KCNMA1: variants seen among roughly 807,000 people sequenced by gnomAD.
The protein encoded by KCNMA1 is Calcium-activated potassium channel subunit alpha-1.
KCNMA1 carries 29 observed loss-of-function variants against 140.0 expected under a neutral mutation model. The ratio of observed to expected loss-of-function variants is 0.21; its 90% CI spans 0.15 to 0.28. The LOEUF (loss-of-function observed/expected upper bound fraction) is 0.28, where lower values mean the gene tolerates loss of function less well. KCNMA1 is among the 10% of genes least tolerant of loss of function. KCNMA1 has a pLI of 1.00. For missense variants in KCNMA1, 880 were observed against 1,602.2 expected (o/e 0.55, Z 7.70); for synonymous variants, 612 against 611.9 (o/e 1.00, Z 0.00).
chr10:77,343,644 C>G (rs1000141821), intron 2 of KCNMA1, among the ~76,000 whole-genome samples: 3 of 152,150 alleles, frequency 2.0e-5, no homozygotes, highest in Non-Finnish European at 2.9e-5. Flanking sequence ...CGAGGAGACA[C>G]AAATCCCATA....
chr10:77,141,069 C>T (rs374339337), intron 5 of KCNMA1, among the ~76,000 whole-genome samples: 2 of 152,062 alleles, frequency 1.3e-5, no homozygotes, highest in African/African-American at 2.4e-5. Context: ...TTGTCCTACT[C>T]CTCCTGTCGT....
rs114801743 is a variant in KCNMA1 at position 77,460,754 on chromosome 10, T to A, written c.379-56731A>T. ...ACTGAGTACACATGGACATACAGAATGGAATAATAATACTGGAGACTCCAA... is the reference window on the plus strand; with the variant it reads ...ACTGAGTACACATGGACATACAGAAAGGAATAATAATACTGGAGACTCCAA... On this transcript the variant is annotated intron_variant, in intron 1 of 27. Transcript: ENST00000286628. 1.9e-3 allele frequency among the ~76,000 whole-genome samples: 292 copies of A among 152,066 alleles called. 2 individuals carry two copies. The highest frequency in any genetic ancestry group is 0.019 in the East Asian group (96 of 5,158).
exon 28 of KCNMA1, chr10:76,871,606 T>C (rs2031357863): frequency 1.3e-5 from 2 of 152,382 alleles, no homozygotes; most frequent in Admixed American, 6.5e-5. Context: ...CTTCCTCTAA[T>C]AGTCTTACCA....
Position 77,130,231 on chromosome 10 carries a change from C to T in KCNMA1, c.809-9183G>A, listed in dbSNP as rs902444486. 7.2e-5 allele frequency among the ~76,000 whole-genome samples: 11 copies of T among 152,164 alleles called. No homozygotes were observed. The East Asian group carries it at 1.9e-3, about 27-fold the overall frequency. On this transcript the variant is annotated intron_variant, in intron 5 of 27. Coordinates refer to ENST00000286628, the MANE Select transcript of KCNMA1 (RefSeq NM_001161352.2). ...CACCTTAAACCATACTCTAAGTATT[C>T]ACACAACCATTCTGTTTTTCACTTT...
chr10:77,305,081 C>T (rs1299272931), intron 2 of KCNMA1, among the ~76,000 whole-genome samples: 1 of 152,180 alleles, frequency 6.6e-6, no homozygotes, highest in Non-Finnish European at 1.5e-5. Context: ...GGATGGTGGT[C>T]GATGGACCAC....
At chr10:77,494,869 T>C (rs1179951919) in intron 1 of KCNMA1, among the ~76,000 whole-genome samples, 1 of 152,254 alleles carries the variant, frequency 6.6e-6, no homozygotes, top group Non-Finnish European at 1.5e-5. Flanking sequence ...CCTAGTTTTC[T>C]TGTCCTTCCT....
intron 23 of KCNMA1, among the ~76,000 whole-genome samples, chr10:76,929,399 C>T (rs998336242): frequency 6.6e-6 from 1 of 152,100 alleles, no homozygotes; most frequent in African/African-American, 2.4e-5. Context: ...AAATGGACAC[C>T]CCCTGGTTTA....
intron 21 of KCNMA1, among the ~76,000 whole-genome samples, chr10:76,952,829 A>C (rs1161151259): frequency 6.6e-6 from 1 of 152,258 alleles, no homozygotes; most frequent in Non-Finnish European, 1.5e-5. Flanking sequence ...TCCTGACATC[A>C]GAAATGATAG....
At chr10:76,940,121 T>C (rs1265495448) in intron 23 of KCNMA1, among the ~76,000 whole-genome samples, 1 of 152,244 alleles carries the variant, frequency 6.6e-6, no homozygotes, top group African/African-American at 2.4e-5. Context: ...TTGCCTGCTG[T>C]ATATTAAAAC....
At chr10:77,319,633 G>A (rs1448478821) in intron 2 of KCNMA1, among the ~76,000 whole-genome samples, 1 of 152,202 alleles carries the variant, frequency 6.6e-6, no homozygotes, top group Admixed American at 6.5e-5. Context: ...GCACTTTCTA[G>A]TTTCCTAAAG....
intron 5 of KCNMA1, among the ~76,000 whole-genome samples, chr10:77,122,709 T>C (rs12764147): frequency 1.3e-5 from 2 of 151,996 alleles, no homozygotes; most frequent in East Asian, 1.9e-4. Flanking sequence ...TTTTGAGATA[T>C]GAAAAAATGA....
At position 77,618,034 on chromosome 10, in the gene KCNMA1, G is replaced by A. The variant is rs185265664; in HGVS notation, c.378+19231C>T. Among the ~76,000 whole-genome samples the A allele has an allele frequency of 6.7e-3, 1,027 of 152,218 alleles. 4 individuals are homozygous for A. The highest frequency in any genetic ancestry group is 0.01 in the Non-Finnish European group (694 of 68,006). On this transcript the variant is annotated intron_variant, in intron 1 of 27. Transcript: ENST00000286628. ...TGAACTGTGTGGGTAGACGTGATGT[G>A]AATGACTTCCATAACTACCCCTACA... is the stretch of plus-strand genomic sequence containing the variant.
At chr10:77,600,670 C>A (rs895986550) in intron 1 of KCNMA1, among the ~76,000 whole-genome samples, 1 of 152,142 alleles carries the variant, frequency 6.6e-6, no homozygotes, top group African/African-American at 2.4e-5. Context: ...ATCGCTTGAA[C>A]CCAGGAGGAG....
intron 1 of KCNMA1, among the ~76,000 whole-genome samples, chr10:77,617,486 A>C (rs534369406): frequency 2.0e-5 from 3 of 152,322 alleles, no homozygotes; most frequent in Admixed American, 2.0e-4. Context: ...TTTATCCTGA[A>C]GGTGTTTAAG....
intron 11 of KCNMA1, among the ~76,000 whole-genome samples, chr10:77,085,610 C>T (rs2096673034): frequency 6.6e-6 from 1 of 152,098 alleles, no homozygotes; most frequent in Admixed American, 6.5e-5. Context: ...TAGATCATTC[C>T]TGGATTTTGA....
At chr10:77,417,372 G>A (rs60933490) in intron 1 of KCNMA1, among the ~76,000 whole-genome samples, 16 of 152,280 alleles carry the variant, frequency 1.1e-4, no homozygotes, top group African/African-American at 3.4e-4. Context: ...GACACGTACC[G>A]ATTGAGTAAA....
chr10:76,947,033 A>G (rs2064208908), intron 22 of KCNMA1, among the ~76,000 whole-genome samples: 1 of 152,182 alleles, frequency 6.6e-6, no homozygotes, highest in Non-Finnish European at 1.5e-5. Context: ...AGATGAGTGA[A>G]CGTGTACAAG....
chr10:76,877,606 G>T, downstream of KCNMA1: 2 of 756,252 alleles, frequency 2.6e-6, no homozygotes, highest in Non-Finnish European at 2.1e-6. Context: ...AGAAAGATCT[G>T]TCTACTTTAT....
Position 77,034,803 on chromosome 10 carries a change from C to T in KCNMA1, c.1859+4725G>A, listed in dbSNP as rs1338937771. The stretch of plus-strand genomic sequence containing the variant: ...CAGAGGGACAGAGAGAGACACATAC[C>T]ATATTTTAAATACATCTTTTGTCCT... On this transcript the variant is annotated intron_variant, in intron 15 of 27. Coordinates refer to ENST00000286628, the MANE Select transcript of KCNMA1 (RefSeq NM_001161352.2). Among the ~76,000 whole-genome samples the T allele has an allele frequency of 2.0e-5, 3 of 152,182 alleles. No individual in the cohort carries two copies. The East Asian group carries it at 5.8e-4, about 29-fold the overall frequency.
Sources: allele counts gnomAD v4.1 joint callset (sites outside exome capture counted in the v4.1 genomes callset), GRCh38; gene constraint gnomAD v4.1.1; transcripts MANE v1.5; gene names NCBI Gene and HGNC (gene_info 2026-07-23, HGNC 2026-07-21).